PPARGC1B: variants seen among roughly 807,000 people sequenced by gnomAD.
The protein encoded by PPARGC1B is PPARG coactivator 1 beta, also known as peroxisome proliferator-activated receptor gamma coactivator 1-beta.
In PPARGC1B, 34 loss-of-function variants were observed where a neutral mutation model predicts 101.6. That is an observed-to-expected ratio of 0.33 (90% CI 0.25 to 0.45). PPARGC1B has a LOEUF of 0.45. Ranked by LOEUF, PPARGC1B falls within the 20% of genes least tolerant of loss-of-function variation. The probability of loss-of-function intolerance (pLI) is 1.00; values close to 1 mark genes in which losing one functional copy is unlikely to be tolerated. For synonymous variants in PPARGC1B, 548 were observed against 539.3 expected, an observed-to-expected ratio of 1.02 and a Z score of -0.22; for missense variants, 1,234 against 1,317.6, an observed-to-expected ratio of 0.94 and a Z score of 0.98.
chr5:149,849,097 G>C lies in PPARGC1B; in HGVS notation c.*1539G>C, dbSNP rs1235300220. On this transcript the variant is annotated 3_prime_UTR_variant, in exon 12 of 12. Transcript: ENST00000309241. ...CATCAGGGTTCCTCGGGAAATTTTTGTATTTTTTTTTTAAGTCCTGCTGCT... is the reference window on the plus strand; with the variant it reads ...CATCAGGGTTCCTCGGGAAATTTTTCTATTTTTTTTTTAAGTCCTGCTGCT... 2 of 151,512 alleles carry C rather than the reference G, an allele frequency of 1.3e-5. No individual in the cohort carries two copies. The highest frequency in any genetic ancestry group is 3.9e-4 in the East Asian group (2 of 5,178). 9.4% of individuals were successfully genotyped at this position (151,512 alleles called of 1,614,324 possible). A position where few individuals can be genotyped will look rare whatever the true frequency, so the allele number is the denominator to read the frequency against.
chr5:149,755,040 CATATACATATACATATAT>C (rs1561854109), intron 1 of PPARGC1B, among the ~76,000 whole-genome samples: 1 of 85,258 alleles, frequency 1.2e-5, no homozygotes. Context: ...ACTACATATA[CATATACATATACATATAT>C]ATATATATAT....
At chr5:149,755,269 C>T (rs1186000497) in intron 1 of PPARGC1B, among the ~76,000 whole-genome samples, 2 of 151,494 alleles carry the variant, frequency 1.3e-5, no homozygotes, top group African/African-American at 4.9e-5. Flanking sequence ...TACTTTGTTG[C>T]CCAGGATGGA....
chr5:149,739,480 G>A (rs1259139005), intron 1 of PPARGC1B, among the ~76,000 whole-genome samples: 2 of 152,308 alleles, frequency 1.3e-5, no homozygotes, highest in Non-Finnish European at 2.9e-5. Flanking sequence ...CCAGGCTTGG[G>A]GCAGGGGGCC....
rs560253094 is a variant in PPARGC1B, at chr5:149,735,748, C to A, written c.78+5328C>A. Among the ~76,000 whole-genome samples, 48 of 152,312 alleles carry A rather than the reference C, an allele frequency of 3.2e-4. 1 individual carries two copies. The South Asian group carries it at 9.3e-3, about 30-fold the overall frequency. On this transcript the variant is annotated intron_variant, in intron 1 of 11. Transcript: ENST00000309241. ...TCCCAGACTATTTGACTCTAAGCTC[C>A]TTGAAGACAGGGGCTACTCTCAGTT...
intron 1 of PPARGC1B, among the ~76,000 whole-genome samples, chr5:149,800,684 G>A (rs1256776929): frequency 1.3e-5 from 2 of 152,236 alleles, no homozygotes. Context: ...TGACAGATGG[G>A]GCAGGGGGAG....
chr5:149,734,838 A>C (rs1430960623), intron 1 of PPARGC1B, among the ~76,000 whole-genome samples: 1 of 152,162 alleles, frequency 6.6e-6, no homozygotes, highest in Non-Finnish European at 1.5e-5. Flanking sequence ...TTATTTGATT[A>C]CTTGTGATGC....
At chr5:149,806,647 G>A (rs11167481) in intron 1 of PPARGC1B, among the ~76,000 whole-genome samples, 39,888 of 149,722 alleles carry the variant, frequency 0.27, 5,730 homozygotes, top group East Asian at 0.32. Flanking sequence ...CGCTGTTGTC[G>A]CCCAGGCTGG....
chr5:149,830,393 TTGTGTG>T (rs965842984), intron 3 of PPARGC1B, among the ~76,000 whole-genome samples: 6 of 152,034 alleles, frequency 3.9e-5, no homozygotes, highest in African/African-American at 1.4e-4. Flanking sequence ...ACCTTCCAGA[TTGTGTG>T]TATGTGTGTG....
chr5:149,808,405 C>A (rs1408933651), intron 1 of PPARGC1B, among the ~76,000 whole-genome samples: 4 of 151,996 alleles, frequency 2.6e-5, no homozygotes, highest in Non-Finnish European at 5.9e-5. Context: ...GGCATTTGAT[C>A]CCTGCAGTCT....
At chr5:149,856,002 A>G (rs969157563), downstream of PPARGC1B, among the ~76,000 whole-genome samples, 3 of 152,144 alleles carry the variant, frequency 2.0e-5, no homozygotes, top group African/African-American at 7.2e-5. Flanking sequence ...CTGTAATCCC[A>G]GCTACTCGGG....
In PPARGC1B at chr5:149,837,752, A is replaced by C. The variant is rs1013571581; in HGVS notation, c.2618+679A>C. On this transcript the variant is annotated intron_variant, in intron 8 of 11. Transcript: ENST00000309241. The surrounding 1 kb of genome is among the most constrained non-coding windows in gnomAD (Gnocchi z 4.2). ...TGGAGGTTTGGCAGATTCAGAGGGTACTGGTTGCTCCTCTCTGATCACAGT... is the reference window on the plus strand; with the variant it reads ...TGGAGGTTTGGCAGATTCAGAGGGTCCTGGTTGCTCCTCTCTGATCACAGT... Among the ~76,000 whole-genome samples, 8 of 152,164 alleles carry C rather than the reference A, an allele frequency of 5.3e-5. No homozygotes were observed. Among genetic ancestry groups the C allele is most frequent in the African/African-American group, 1.9e-4 (8 of 41,446 alleles).
At chr5:149,845,999 G>T in intron 11 of PPARGC1B, 85 bp downstream of exon 11, 1 of 1,541,322 alleles carries the variant, frequency 6.5e-7, no homozygotes, top group Non-Finnish European at 9.0e-7. Flanking sequence ...CAGAGCTAAA[G>T]CGCCTTGTGG....
In PPARGC1B at chr5:149,730,526, C is replaced by A; in HGVS notation, c.78+106C>A. The A allele has an allele frequency of 1.1e-6, 1 of 879,682 alleles. No homozygotes were observed. Among genetic ancestry groups the A allele is most frequent in the Non-Finnish European group, 1.7e-6 (1 of 600,794 alleles). 54.5% of individuals were successfully genotyped at this position (879,682 alleles called of 1,614,324 possible). On this transcript the variant is annotated intron_variant, in intron 1 of 11. Transcript: ENST00000309241. The surrounding 1 kb of genome is among the most constrained non-coding windows in gnomAD (Gnocchi z 4.0). ...GGCAGCGGTGGGAGCCCTGGGGTAACTGGGGGTTCCAGGCTGCAGAGCCCC... is the reference window on the plus strand; with the variant it reads ...GGCAGCGGTGGGAGCCCTGGGGTAAATGGGGGTTCCAGGCTGCAGAGCCCC...
At chr5:149,747,656 A>T (rs1755138577) in intron 1 of PPARGC1B, among the ~76,000 whole-genome samples, 1 of 152,200 alleles carries the variant, frequency 6.6e-6, no homozygotes, top group African/African-American at 2.4e-5. Context: ...CCTGCCCAGC[A>T]GCGCCTGGGG....
chr5:149,833,344 C>T lies in PPARGC1B; in HGVS notation c.1271C>T (p.Ala424Val). 1 of 1,613,390 alleles carries T rather than the reference C, an allele frequency of 6.2e-7. No homozygotes were observed. Among genetic ancestry groups the T allele is most frequent in the South Asian group, 1.1e-5 (1 of 91,066 alleles). ...LEVKREVRRP[A>V]RLQQQEEEDE... The stretch of plus-strand genomic sequence containing the variant: ...GTGAAAAGGGAGGTCCGCCGGCCTG[C>T]CAGACTGCAGCAGCAGGAGGAGGAA... Residue 424 changes from alanine (A) to valine (V), a missense_variant, in exon 5 of 12, where the codon GCC (alanine) becomes GTC (valine). Ala to Val is a moderately conservative substitution (Grantham distance 64, BLOSUM62 0). Coordinates refer to ENST00000309241, the MANE Select transcript of PPARGC1B (RefSeq NM_133263.4). This position sits in a 1 kb window ranked among gnomAD's most constrained non-coding sequence, Gnocchi z 4.1.
At chr5:149,783,720 A>T (rs1756681054) in intron 1 of PPARGC1B, among the ~76,000 whole-genome samples, 1 of 152,124 alleles carries the variant, frequency 6.6e-6, no homozygotes, top group African/African-American at 2.4e-5. Flanking sequence ...TTACATTGAG[A>T]GGTTCAAGAT....
chr5:149,778,145 A>AACACACAC (rs60606878), intron 1 of PPARGC1B, among the ~76,000 whole-genome samples: 1 of 100,596 alleles, frequency 9.9e-6, no homozygotes, highest in African/African-American at 3.8e-5. Flanking sequence ...ATGGAGCAGC[A>AACACACAC]ACACACACAC....
In PPARGC1B at chr5:149,853,826, A is replaced by G. The variant is rs1200009943; in HGVS notation, c.*6268A>G. ...AAGGTGGTATGTGCAGCAGGGGAAT[A>G]GACTGCTTGGATTTCCAAATGGTTT... On this transcript the variant is annotated 3_prime_UTR_variant, in exon 12 of 12. Coordinates refer to ENST00000309241, the MANE Select transcript of PPARGC1B (RefSeq NM_133263.4). This position sits in a 1 kb window ranked among gnomAD's most constrained non-coding sequence, Gnocchi z 4.2. 1 of 152,200 alleles carries G rather than the reference A, an allele frequency of 6.6e-6. No homozygotes were observed. The highest frequency in any genetic ancestry group is 1.5e-5 in the Non-Finnish European group (1 of 68,038). 9.4% of individuals were successfully genotyped at this position (152,200 alleles called of 1,614,324 possible).
At chr5:149,737,065 A>G (rs990056423) in intron 1 of PPARGC1B, among the ~76,000 whole-genome samples, 1 of 151,990 alleles carries the variant, frequency 6.6e-6, no homozygotes, top group African/African-American at 2.4e-5. Context: ...CTACCTTTTC[A>G]TTTCTTCTGT....
Sources: allele counts gnomAD v4.1 joint callset (sites outside exome capture counted in the v4.1 genomes callset), GRCh38; gene constraint gnomAD v4.1.1; non-coding constraint Gnocchi (gnomAD v3.1); transcripts MANE v1.5; gene names NCBI Gene and HGNC (gene_info 2026-07-23, HGNC 2026-07-21).